LIPI: variants seen among roughly 807,000 people sequenced by gnomAD.
The protein encoded by LIPI is lipase member I.
Under a neutral mutation model 50.6 loss-of-function variants are expected in LIPI, and 59 were observed. The observed-to-expected ratio is 1.16, with a 90% CI of 0.94 to 1.45. LIPI has a LOEUF of 1.45. Ranked by LOEUF, LIPI falls within the 40% of genes most tolerant of loss-of-function variation. LIPI has a pLI of 0.00. For missense variants in LIPI, 586 were observed against 536.3 expected (o/e 1.09, Z -0.92); for synonymous variants, 203 against 178.2 (o/e 1.14, Z -1.11).
At chr21:14,136,335 A>G (rs1004415868) in intron 9 of LIPI, among the ~76,000 whole-genome samples, 3 of 152,176 alleles carry the variant, frequency 2.0e-5, no homozygotes, top group Admixed American at 2.0e-4. Flanking sequence ...GAGGGAGCCC[A>G]CTGCCCTAAA....
intron 9 of LIPI, among the ~76,000 whole-genome samples, chr21:14,127,822 T>G (rs2017126392): frequency 6.6e-6 from 1 of 152,122 alleles, no homozygotes; most frequent in Non-Finnish European, 1.5e-5. Context: ...ATGTTCCTCC[T>G]CCTTGACGTC....
chr21:14,179,972 C>G (rs1385517796), intron 4 of LIPI, among the ~76,000 whole-genome samples: 1 of 152,084 alleles, frequency 6.6e-6, no homozygotes, highest in Non-Finnish European at 1.5e-5. Context: ...AACGGACGTG[C>G]AAGCAGGAAA....
intron 4 of LIPI, among the ~76,000 whole-genome samples, chr21:14,175,785 G>A (rs2019072474): frequency 6.6e-6 from 1 of 152,054 alleles, no homozygotes; most frequent in African/African-American, 2.4e-5. Context: ...GATACTAGCT[G>A]TGTCTTCTCT....
chr21:14,135,448 C>G (rs1234362812), intron 9 of LIPI, among the ~76,000 whole-genome samples: 1 of 152,148 alleles, frequency 6.6e-6, no homozygotes, highest in African/African-American at 2.4e-5. Context: ...CCACTCCTCC[C>G]CCATCCCCAG....
At chr21:14,115,650 GA>G (rs1334671218) in intron 9 of LIPI, among the ~76,000 whole-genome samples, 1 of 151,760 alleles carries the variant, frequency 6.6e-6, no homozygotes, top group East Asian at 1.9e-4. Context: ...ACACAGCCCA[GA>G]AGGAGAACGG....
At chr21:14,139,191 G>T (rs2017613879) in intron 9 of LIPI, among the ~76,000 whole-genome samples, 1 of 151,964 alleles carries the variant, frequency 6.6e-6, no homozygotes, top group Non-Finnish European at 1.5e-5. Flanking sequence ...ACTATACCCA[G>T]TATACAATTT....
At chr21:14,205,379 G>A (rs1242798906) in intron 1 of LIPI, among the ~76,000 whole-genome samples, 1 of 151,774 alleles carries the variant, frequency 6.6e-6, no homozygotes, top group African/African-American at 2.4e-5. Flanking sequence ...ACATCAGAAA[G>A]CACGTATTAT....
chr21:14,157,592 A>C (rs1268754657), intron 7 of LIPI, among the ~76,000 whole-genome samples: 4 of 151,920 alleles, frequency 2.6e-5, no homozygotes. Flanking sequence ...AAAAGTTTTG[A>C]GGCCTGGAAA....
chr21:14,174,655 G>T (rs1022229103), intron 4 of LIPI, among the ~76,000 whole-genome samples: 4 of 152,116 alleles, frequency 2.6e-5, no homozygotes, highest in African/African-American at 9.7e-5. Flanking sequence ...CCGGGTTTAA[G>T]CAATTCTCCT....
intron 8 of LIPI, among the ~76,000 whole-genome samples, chr21:14,150,477 C>G (rs2018051525): frequency 6.6e-6 from 1 of 152,154 alleles, no homozygotes; most frequent in South Asian, 2.1e-4. Context: ...GCATGAGTCT[C>G]CAGTATTCTG....
chr21:14,142,666 T>A (rs2017756288), intron 9 of LIPI, among the ~76,000 whole-genome samples: 1 of 151,366 alleles, frequency 6.6e-6, no homozygotes, highest in African/African-American at 2.4e-5. Context: ...AAATTTTTTG[T>A]AGAGATAGGA....
chr21:14,171,858 T>A (rs1360163207), intron 4 of LIPI, among the ~76,000 whole-genome samples: 2 of 149,616 alleles, frequency 1.3e-5, no homozygotes, highest in East Asian at 4.0e-4. Context: ...AAGCCAAAAT[T>A]GAGAAATGGG....
At chr21:14,119,749 C>T (rs1184664025) in intron 9 of LIPI, among the ~76,000 whole-genome samples, 1 of 152,174 alleles carries the variant, frequency 6.6e-6, no homozygotes, top group East Asian at 1.9e-4. Flanking sequence ...AGTCTTAGTG[C>T]AAATGCTAGG....
chr21:14,150,681 T>C (rs548083802), intron 8 of LIPI, among the ~76,000 whole-genome samples: 4 of 152,306 alleles, frequency 2.6e-5, no homozygotes, highest in Admixed American at 1.3e-4. Context: ...ATAAATACAA[T>C]TGTAAGCAAT....
intron 1 of LIPI, among the ~76,000 whole-genome samples, chr21:14,198,671 G>A (rs1449640938): frequency 3.3e-5 from 5 of 151,986 alleles, no homozygotes; most frequent in African/African-American, 1.2e-4. Context: ...CAATAATAAT[G>A]GGAGACTTCA....
intron 9 of LIPI, among the ~76,000 whole-genome samples, chr21:14,126,942 G>T (rs1334625845): frequency 1.3e-5 from 2 of 152,114 alleles, no homozygotes; most frequent in African/African-American, 4.8e-5. Flanking sequence ...ATAACTCTTT[G>T]TATGTATGAA....
intron 1 of LIPI, among the ~76,000 whole-genome samples, chr21:14,195,399 G>C (rs778216046): frequency 2.7e-4 from 41 of 151,994 alleles, no homozygotes; most frequent in Non-Finnish European, 5.7e-4. Context: ...GGGACATTCA[G>C]TAGGATCCCC....
At chr21:14,136,807 T>A (rs1029356239) in intron 9 of LIPI, among the ~76,000 whole-genome samples, 1 of 152,144 alleles carries the variant, frequency 6.6e-6, no homozygotes, top group African/African-American at 2.4e-5. Context: ...AACACAGTCA[T>A]AGTGTTGGTG....
chr21:14,135,570 T>C (rs2017464913), intron 9 of LIPI, among the ~76,000 whole-genome samples: 2 of 152,140 alleles, frequency 1.3e-5, no homozygotes, highest in Admixed American at 1.3e-4. Flanking sequence ...AAAAACCAGA[T>C]CAAACTCAGT....
Sources: gnomAD v4.1 joint callset for allele counts (sites outside exome capture counted in the v4.1 genomes callset) on GRCh38, gnomAD v4.1.1 for gene constraint, MANE v1.5 for transcripts, NCBI Gene and HGNC (gene_info 2026-07-23, HGNC 2026-07-21) for gene names.